The following GRM4 variants were observed in gnomAD, a reference collection of about 807,000 sequenced individuals.
The protein encoded by GRM4 is glutamate metabotropic receptor 4.
In GRM4, 28 loss-of-function variants were observed where a neutral mutation model predicts 81.7. That is an observed-to-expected ratio of 0.34 (90% confidence interval 0.25 to 0.47). GRM4 has a LOEUF of 0.47. GRM4 is among the 20% of genes least tolerant of loss of function. The pLI is 1.00. For synonymous variants in GRM4, 488 were observed against 528.8 expected, an observed-to-expected ratio of 0.92 and a Z score of 1.06; for missense variants, 948 against 1,290.0, an observed-to-expected ratio of 0.73 and a Z score of 4.06.
At chr6:34,128,677 T>C (rs967041186) in intron 2 of GRM4, among the ~76,000 whole-genome samples, 3 of 152,052 alleles carry the variant, frequency 2.0e-5, no homozygotes, top group Non-Finnish European at 4.4e-5. Context: ...CACACCTAGC[T>C]GGACCTTAAT....
rs1156856309 is a variant in GRM4, at chr6:34,035,267, T to A, written c.2442+401A>T. 9.7e-6 allele frequency among the ~76,000 whole-genome samples: 1 copy of A among 103,260 alleles called. No individual in the cohort carries two copies. The highest frequency in any genetic ancestry group is 3.9e-5 in the African/African-American group (1 of 25,372). 67.7% of individuals were successfully genotyped at this position (103,260 alleles called of 152,430 possible). On this transcript the variant is annotated intron_variant, in intron 9 of 10. Coordinates refer to ENST00000538487, the MANE Select transcript of GRM4 (RefSeq NM_000841.4). The surrounding 1 kb of genome is among the most constrained non-coding windows in gnomAD (Gnocchi z 6.6). Reference sequence around the variant, plus strand: ...AGGAGGAGGAAAGAATGAAAGGAGATGGGGTAAGGGCAGCAGGGATGGAGA... The same window carrying A: ...AGGAGGAGGAAAGAATGAAAGGAGAAGGGGTAAGGGCAGCAGGGATGGAGA...
chr6:34,033,355 A>C (rs944366564), intron 9 of GRM4, among the ~76,000 whole-genome samples: 1 of 151,482 alleles, frequency 6.6e-6, no homozygotes, highest in Non-Finnish European at 1.5e-5. Flanking sequence ...CTACCAAGGA[A>C]GTCCCAGGGC....
intron 9 of GRM4, 87 bp from the exon 10 acceptor site, chr6:34,028,453 G>T: frequency 1.4e-6 from 2 of 1,418,800 alleles, no homozygotes; most frequent in Non-Finnish European, 1.9e-6. Context: ...GGACCCACCC[G>T]GCATCCCGCT....
At position 34,152,240 on chromosome 6, in the gene GRM4, C is replaced by A. The variant is rs1247030825; in HGVS notation, c.312+2839G>T. Among the ~76,000 whole-genome samples the A allele has an allele frequency of 6.6e-6, 1 of 152,168 alleles. No individual in the cohort carries two copies. Among genetic ancestry groups the A allele is most frequent in the African/African-American group, 2.4e-5 (1 of 41,452 alleles). On this transcript the variant is annotated intron_variant, in intron 1 of 8. Transcript: ENST00000374177. The surrounding 1 kb of genome is among the most constrained non-coding windows in gnomAD (Gnocchi z 4.1). ...AAGACAGAGAGCTGGACGTAGGCCC[C>A]GGGACCTCCCACCGGCAGAGCCTGG...
chr6:34,101,634 C>T (rs1382741728), intron 2 of GRM4, among the ~76,000 whole-genome samples: 1 of 152,338 alleles, frequency 6.6e-6, no homozygotes, highest in East Asian at 1.9e-4. Flanking sequence ...GCTGAGCCCC[C>T]GCCTCCACTC....
At chr6:34,145,972 CT>C (rs1470792427) in intron 1 of GRM4, 27 bp downstream of exon 1, 2 of 984,350 alleles carry the variant, frequency 2.0e-6, no homozygotes, top group African/African-American at 3.5e-5. Flanking sequence ...CCCCTTCCTC[CT>C]CCCCGTGCGC....
intron 2 of GRM4, among the ~76,000 whole-genome samples, chr6:34,129,892 C>A (rs1209944837): frequency 6.6e-6 from 1 of 152,202 alleles, no homozygotes; most frequent in African/African-American, 2.4e-5. Flanking sequence ...ACACCCAGGG[C>A]TCCCCTCTGA....
intron 7 of GRM4, 50 bp from the exon 8 acceptor site, chr6:34,040,364 C>T (rs1353551423): frequency 4.4e-6 from 7 of 1,597,484 alleles, no homozygotes; most frequent in African/African-American, 1.3e-5. Flanking sequence ...AGAGGCAGGG[C>T]GGATGATGAG....
At chr6:34,049,994 T>C (rs1186718243) in intron 6 of GRM4, among the ~76,000 whole-genome samples, 3 of 152,194 alleles carry the variant, frequency 2.0e-5, no homozygotes, top group Non-Finnish European at 4.4e-5. Flanking sequence ...AACCCTGCAA[T>C]GGCTTGTCCC....
Position 34,036,563 on chromosome 6 carries a change from G to A in GRM4, c.1547C>T (p.Pro516Leu), listed in dbSNP as rs1218920985. 3.1e-6 allele frequency: 5 copies of A among 1,599,938 alleles called. No homozygotes were observed. The African/African-American group carries it at 5.3e-5, about 17-fold the overall frequency. ...MHWPGSGQQL[P>L]RSICSLPCQP... is the part of the protein sequence containing the mutation. ...GCAGGGCAGGCTGCAGATGGAGCGG[G>A]GCAGCTGCTGCCCGCTCCCCGGCCA... is the stretch of plus-strand genomic sequence containing the variant. Residue 516 changes from proline to leucine, a missense_variant, in exon 9 of 11, where the codon CCC becomes CTC. Coordinates refer to ENST00000538487, the MANE Select transcript of GRM4 (RefSeq NM_000841.4). The surrounding 1 kb of genome is among the most constrained non-coding windows in gnomAD (Gnocchi z 9.0).
chr6:34,106,848 CA>C (rs1055196253), intron 2 of GRM4, among the ~76,000 whole-genome samples: 4 of 152,270 alleles, frequency 2.6e-5, no homozygotes, highest in Admixed American at 2.6e-4. Context: ...CAACTACAAA[CA>C]GGCGAGCCTG....
chr6:34,026,997 A>T (rs1003815900), intron 10 of GRM4, among the ~76,000 whole-genome samples: 1 of 152,158 alleles, frequency 6.6e-6, no homozygotes, highest in Admixed American at 6.5e-5. Flanking sequence ...TCAGGACTTC[A>T]TCTGGGGTTT....
chr6:34,148,746 A>T, upstream of GRM4, among the ~76,000 whole-genome samples: 1 of 152,198 alleles, frequency 6.6e-6, no homozygotes, highest in Admixed American at 6.5e-5. Flanking sequence ...AGCCTCTCTG[A>T]GCATTGGTTT....
At position 34,069,806 on chromosome 6, in the gene GRM4, G is replaced by A. The variant is rs73410900; in HGVS notation, c.737-7778C>T. Among the ~76,000 whole-genome samples the A allele has an allele frequency of 0.18, 27,057 of 151,930 alleles. 3,469 individuals carry two copies. Among genetic ancestry groups the A allele is most frequent in the African/African-American group, 0.35 (14,283 of 41,396 alleles). On this transcript the variant is annotated intron_variant, in intron 3 of 10. Coordinates refer to ENST00000538487, the MANE Select transcript of GRM4 (RefSeq NM_000841.4). This position sits in a 1 kb window ranked among gnomAD's most constrained non-coding sequence, Gnocchi z 6.4. ...CACCAGGATCCACCCATCTGGCCAC[G>A]TCTGTGCCCCCAACAGGCCTCTGCA...
In GRM4 at chr6:34,068,771, T is replaced by C. The variant is rs1288630869; in HGVS notation, c.737-6743A>G. Among the ~76,000 whole-genome samples, 1 of 152,058 alleles carries C rather than the reference T, an allele frequency of 6.6e-6. No homozygotes were observed. The highest frequency in any genetic ancestry group is 1.5e-5 in the Non-Finnish European group (1 of 68,004). On this transcript the variant is annotated intron_variant, in intron 3 of 10. Coordinates refer to ENST00000538487, the MANE Select transcript of GRM4 (RefSeq NM_000841.4). This position sits in a 1 kb window ranked among gnomAD's most constrained non-coding sequence, Gnocchi z 4.2. ...GTCAGGGGTCCCCCAGGCTGTCACC[T>C]TGGACACTGGGCTCCAGACAAGGAA...
Position 34,028,349 on chromosome 6 carries a change from C to T in GRM4, c.2460G>A (p.Thr820=), listed in dbSNP as rs766458401. 138 of 1,610,748 alleles carry T rather than the reference C, an allele frequency of 8.6e-5. No individual in the cohort carries two copies. Among genetic ancestry groups the T allele is most frequent in the Middle Eastern group, 1.6e-4 (1 of 6,080 alleles). ...QSADKLYIQT[T]TLTVSVSLSA... is the part of the protein sequence containing the mutation. ...TCAGACTCACCGAGACCGTCAGCGT[C>T]GTCGTCTGGATGTACAGCTGGCGGA... is the stretch of plus-strand genomic sequence containing the variant. Residue 820 remains threonine (T), a synonymous_variant, in exon 10 of 11, where the codon ACG becomes ACA. Transcript: ENST00000538487.
In GRM4 at chr6:34,035,638, CACCGTCCA is replaced by C; in HGVS notation, c.2442+22_2442+29del. 1 of 1,375,990 alleles carries C rather than the reference CACCGTCCA, an allele frequency of 7.3e-7. No individual in the cohort carries two copies. The highest frequency in any genetic ancestry group is 1.0e-6 in the Non-Finnish European group (1 of 994,708). The allele number at this position is 1,375,990 out of a possible 1,614,324, so 85.2% of individuals were successfully genotyped here. The stretch of plus-strand genomic sequence containing the variant: ...CCCTTGCTCACTGCCCTCACCTACC[CACCGTCCA>C]CCCCCGGCCCCCACCACTCACCTTG... On this transcript the variant is annotated intron_variant, in intron 9 of 10. Coordinates refer to ENST00000538487, the MANE Select transcript of GRM4 (RefSeq NM_000841.4). This position sits in a 1 kb window ranked among gnomAD's most constrained non-coding sequence, Gnocchi z 6.6.
intron 5 of GRM4, among the ~76,000 whole-genome samples, chr6:34,058,328 C>T (rs1328472281): frequency 1.3e-5 from 2 of 152,162 alleles, no homozygotes; most frequent in Admixed American, 1.3e-4. Flanking sequence ...CCCTCCCCTC[C>T]TCAGGCCTCC....
At chr6:34,149,343 T>C (rs1281607856), upstream of GRM4, among the ~76,000 whole-genome samples, 4 of 152,294 alleles carry the variant, frequency 2.6e-5, no homozygotes, top group East Asian at 7.7e-4. Flanking sequence ...TCAATTTTGG[T>C]TTCCCCTAAA....
Sources: gnomAD v4.1 joint callset for allele counts (sites outside exome capture counted in the v4.1 genomes callset) on GRCh38, gnomAD v4.1.1 for gene constraint, Gnocchi (gnomAD v3.1) non-coding constraint, MANE v1.5 for transcripts, NCBI Gene and HGNC (gene_info 2026-07-23, HGNC 2026-07-21) for gene names.